Variants in PRKCE observed in about 807,000 individuals in gnomAD.
PRKCE encodes protein kinase C epsilon type.
Under a neutral mutation model 85.4 loss-of-function variants are expected in PRKCE, and 16 were observed. That is an observed-to-expected ratio of 0.19 (90% CI 0.13 to 0.28). The LOEUF (loss-of-function observed/expected upper bound fraction) is 0.28. PRKCE is among the 10% of genes least tolerant of loss of function. The pLI, the probability that PRKCE is intolerant of heterozygous loss-of-function variation, is 1.00. For missense variants in PRKCE, 573 were observed against 975.2 expected, an observed-to-expected ratio of 0.59 and a Z score of 5.49; for synonymous variants, 388 against 371.5, an observed-to-expected ratio of 1.04 and a Z score of -0.51.
At chr2:45,837,574 T>G (rs528159909) in intron 1 of PRKCE, among the ~76,000 whole-genome samples, 50 of 152,300 alleles carry the variant, frequency 3.3e-4, no homozygotes, top group African/African-American at 1.1e-3. Context: ...CACGTTCTGA[T>G]TCTGCCAGTC....
intron 2 of PRKCE, among the ~76,000 whole-genome samples, chr2:45,975,494 A>G (rs978599558): frequency 9.2e-5 from 14 of 152,116 alleles, no homozygotes; most frequent in African/African-American, 3.4e-4. Context: ...CTCCTCTTAT[A>G]AGGACACTAA....
In PRKCE at chr2:46,015,543, C is replaced by T. The variant is rs1251070656; in HGVS notation, c.1437+5026C>T. ...CCCTAGGGAAAATGCAGCATGGAAA[C>T]ATCCTTACAAAGCAACGGGAGACGT... is the stretch of plus-strand genomic sequence containing the variant. On this transcript the variant is annotated intron_variant, in intron 10 of 14. Coordinates refer to ENST00000306156, the MANE Select transcript of PRKCE (RefSeq NM_005400.3). Among the ~76,000 whole-genome samples the T allele has an allele frequency of 3.3e-5, 5 of 152,210 alleles. No homozygotes were observed. In the East Asian group the frequency reaches 9.7e-4, roughly 29 times the overall value.
At chr2:46,134,061 G>A (rs1674719045) in intron 11 of PRKCE, among the ~76,000 whole-genome samples, 1 of 152,152 alleles carries the variant, frequency 6.6e-6, no homozygotes. Flanking sequence ...TGCCTCTGAT[G>A]GTTTTGGCCT....
At chr2:46,126,028 G>A (rs1370444428) in intron 11 of PRKCE, among the ~76,000 whole-genome samples, 2 of 152,236 alleles carry the variant, frequency 1.3e-5, no homozygotes, top group Non-Finnish European at 2.9e-5. Context: ...CAACAGGTCA[G>A]TTCTTGCCGA....
chr2:46,162,294 A>C (rs1574638363), intron 14 of PRKCE, among the ~76,000 whole-genome samples: 1 of 152,190 alleles, frequency 6.6e-6, no homozygotes, highest in African/African-American at 2.4e-5. Context: ...CTAAAGAGCC[A>C]GAAAGACCCT....
intron 1 of PRKCE, among the ~76,000 whole-genome samples, chr2:45,709,021 G>C (rs1679369779): frequency 6.6e-6 from 1 of 152,242 alleles, no homozygotes; most frequent in Non-Finnish European, 1.5e-5. Context: ...ATACCAGTTT[G>C]AGGGACAAAG....
intron 1 of PRKCE, among the ~76,000 whole-genome samples, chr2:45,835,367 C>T (rs1282282545): frequency 6.6e-6 from 1 of 152,172 alleles, no homozygotes; most frequent in African/African-American, 2.4e-5. Flanking sequence ...GGAGCAGCCA[C>T]CACAATCAGG....
rs1235530368 is a variant in PRKCE, at chr2:45,811,987, C to T, written c.349-31013C>T. 3.3e-5 allele frequency among the ~76,000 whole-genome samples: 5 copies of T among 152,066 alleles called. No homozygotes were observed. In the East Asian group the frequency reaches 5.8e-4, roughly 18 times the overall value. ...ATTCATTCTTGCTAGGGGATTCCACCGCAGGGGAATACTCTTGGCACTGTC... is the reference window on the plus strand; with the variant it reads ...ATTCATTCTTGCTAGGGGATTCCACTGCAGGGGAATACTCTTGGCACTGTC... On this transcript the variant is annotated intron_variant, in intron 1 of 14. Transcript: ENST00000306156.
At chr2:45,925,760 C>T (rs1698569763) in intron 2 of PRKCE, among the ~76,000 whole-genome samples, 1 of 152,228 alleles carries the variant, frequency 6.6e-6, no homozygotes, top group South Asian at 2.1e-4. Context: ...TCTATTAGGA[C>T]TCTTCTAAGA....
chr2:45,674,679 C>T (rs1423108365), intron 1 of PRKCE: 2 of 152,206 alleles, frequency 1.3e-5, no homozygotes, highest in African/African-American at 4.8e-5. Context: ...GCCCAAAGCA[C>T]AGATTGGAGG....
At chr2:45,801,100 G>A (rs1350231705) in intron 1 of PRKCE, among the ~76,000 whole-genome samples, 2 of 152,140 alleles carry the variant, frequency 1.3e-5, no homozygotes, top group Non-Finnish European at 2.9e-5. Context: ...GAGTGTTCTC[G>A]GGTGTATAGG....
At chr2:45,871,388 G>A (rs1694074269) in intron 2 of PRKCE, among the ~76,000 whole-genome samples, 1 of 152,212 alleles carries the variant, frequency 6.6e-6, no homozygotes, top group Non-Finnish European at 1.5e-5. Context: ...ACCTGTTGCG[G>A]ATTATGTGCT....
At chr2:45,886,067 C>G (rs1172348791) in intron 2 of PRKCE, among the ~76,000 whole-genome samples, 3 of 152,246 alleles carry the variant, frequency 2.0e-5, no homozygotes, top group Non-Finnish European at 2.9e-5. Flanking sequence ...AGAGGCCTAC[C>G]TGGGCTGTCT....
intron 2 of PRKCE, among the ~76,000 whole-genome samples, chr2:45,903,027 G>A (rs756113364): frequency 2.0e-5 from 3 of 152,210 alleles, no homozygotes; most frequent in Admixed American, 6.5e-5. Flanking sequence ...AGGATCCTAC[G>A]TGAATATAGT....
At chr2:46,129,661 T>C (rs564915507) in intron 11 of PRKCE, among the ~76,000 whole-genome samples, 1 of 152,352 alleles carries the variant, frequency 6.6e-6, no homozygotes, top group South Asian at 2.1e-4. Context: ...TGTCTCATTC[T>C]TCCATCGGGC....
chr2:46,036,530 C>T (rs148947261), intron 10 of PRKCE, among the ~76,000 whole-genome samples: 101 of 152,224 alleles, frequency 6.6e-4, no homozygotes, highest in African/African-American at 1.9e-3. Flanking sequence ...GTGGGGACTG[C>T]AGTGAGCCAT....
At chr2:46,172,584 A>G (rs1478625041) in intron 14 of PRKCE, among the ~76,000 whole-genome samples, 1 of 152,190 alleles carries the variant, frequency 6.6e-6, no homozygotes, top group African/African-American at 2.4e-5. Flanking sequence ...CACTAACAAG[A>G]ATGGAGACAT....
chr2:46,088,037 A>C (rs1669809283), intron 11 of PRKCE, among the ~76,000 whole-genome samples: 2 of 152,222 alleles, frequency 1.3e-5, no homozygotes, highest in African/African-American at 4.8e-5. Flanking sequence ...TTATATCTGC[A>C]AAATCCCTTT....
chr2:45,820,048 G>A (rs538231024), intron 1 of PRKCE, among the ~76,000 whole-genome samples: 7 of 152,286 alleles, frequency 4.6e-5, no homozygotes, highest in African/African-American at 1.4e-4. Context: ...GGACTGAGAT[G>A]AGCTCAGAGC....
Sources: allele counts gnomAD v4.1 joint callset (sites outside exome capture counted in the v4.1 genomes callset), GRCh38; gene constraint gnomAD v4.1.1; transcripts MANE v1.5; gene names NCBI Gene and HGNC (gene_info 2026-07-23, HGNC 2026-07-21).